CAP2: variants seen among roughly 807,000 people sequenced by gnomAD.
CAP2 encodes the protein cyclase associated actin cytoskeleton regulatory protein 2.
CAP2 carries 24 observed loss-of-function variants against 57.7 expected under a neutral mutation model. The observed-to-expected ratio is 0.42, with a 90% confidence interval of 0.30 to 0.58. The LOEUF is 0.58. CAP2 is among the 20% of genes least tolerant of loss of function. The pLI is 0.22. For synonymous variants in CAP2, 194 were observed against 207.2 expected, an observed-to-expected ratio of 0.94 and a Z score of 0.55; for missense variants, 501 against 590.3, an observed-to-expected ratio of 0.85 and a Z score of 1.57.
At chr6:17,397,164 A>T (rs1411411119) in intron 1 of CAP2, among the ~76,000 whole-genome samples, 1 of 152,048 alleles carries the variant, frequency 6.6e-6, no homozygotes, top group East Asian at 2.0e-4. Context: ...GGTTCAAGAG[A>T]TGCTCCCGCC....
At chr6:17,411,446 A>G (rs1250599195) in intron 1 of CAP2, among the ~76,000 whole-genome samples, 2 of 152,182 alleles carry the variant, frequency 1.3e-5, no homozygotes, top group Non-Finnish European at 2.9e-5. Flanking sequence ...TATTCTCACC[A>G]GCACTTTTTA....
At chr6:17,463,675 T>G (rs1347293339) in intron 4 of CAP2, among the ~76,000 whole-genome samples, 1 of 152,150 alleles carries the variant, frequency 6.6e-6, no homozygotes, top group Non-Finnish European at 1.5e-5. Flanking sequence ...TGTCCCAAGA[T>G]TCTGCTTTTT....
At chr6:17,480,179 A>G (rs1761253138) in intron 4 of CAP2, among the ~76,000 whole-genome samples, 1 of 152,142 alleles carries the variant, frequency 6.6e-6, no homozygotes. Flanking sequence ...TCAGTTCCAG[A>G]CTACAGAGGA....
intron 4 of CAP2, among the ~76,000 whole-genome samples, chr6:17,503,240 C>G (rs2113651702): frequency 6.6e-6 from 1 of 152,242 alleles, no homozygotes; most frequent in South Asian, 2.1e-4. Context: ...AGTCCAGGAT[C>G]AAGGTGACGG....
intron 3 of CAP2, among the ~76,000 whole-genome samples, chr6:17,452,794 A>C (rs1297697495): frequency 6.6e-6 from 1 of 152,118 alleles, no homozygotes; most frequent in East Asian, 1.9e-4. Context: ...TCCCCCAGAT[A>C]ACTGTCTCTG....
intron 11 of CAP2, among the ~76,000 whole-genome samples, chr6:17,549,139 G>T (rs1009579296): frequency 1.3e-5 from 2 of 152,180 alleles, no homozygotes; most frequent in African/African-American, 4.8e-5. Context: ...AAAAGGATTT[G>T]TATCTAGAAT....
chr6:17,530,513 TCTAA>T (rs1385683091), intron 7 of CAP2, among the ~76,000 whole-genome samples: 1 of 151,998 alleles, frequency 6.6e-6, no homozygotes, highest in African/African-American at 2.4e-5. Context: ...TTAAAGAGAA[TCTAA>T]CTGACAAACA....
intron 3 of CAP2, among the ~76,000 whole-genome samples, chr6:17,432,178 A>G (rs79192692): frequency 2.0e-5 from 3 of 152,194 alleles, no homozygotes; most frequent in Non-Finnish European, 4.4e-5. Context: ...GAATATCTGC[A>G]TGTTTATTTT....
intron 3 of CAP2, among the ~76,000 whole-genome samples, chr6:17,448,703 C>A (rs1400165256): frequency 6.6e-6 from 1 of 151,212 alleles, no homozygotes; most frequent in Non-Finnish European, 1.5e-5. Context: ...CTGTAACCTG[C>A]TTATTTAACT....
At chr6:17,430,479 A>G (rs1314332902) in intron 3 of CAP2, among the ~76,000 whole-genome samples, 1 of 152,104 alleles carries the variant, frequency 6.6e-6, no homozygotes, top group Non-Finnish European at 1.5e-5. Context: ...AACTGGGCCT[A>G]TATAATACCT....
chr6:17,531,065 A>G (rs1762626922), intron 7 of CAP2: 1 of 777,528 alleles, frequency 1.3e-6, no homozygotes, highest in South Asian at 1.3e-5. Context: ...TATAGATCTC[A>G]TGAATCAGAT....
chr6:17,408,660 C>CTTT lies in CAP2; in HGVS notation c.-1-12878_-1-12876dup, dbSNP rs35571407. 3.3e-3 allele frequency among the ~76,000 whole-genome samples: 401 copies of CTTT among 120,420 alleles called. 5 individuals are homozygous for CTTT. Among genetic ancestry groups the CTTT allele is most frequent in the Middle Eastern group, 4.6e-3 (1 of 218 alleles). The allele number at this position is 120,420 out of a possible 152,430, so 79.0% of individuals were successfully genotyped here. A position where few individuals can be genotyped will look rare whatever the true frequency, so the allele number is the denominator to read the frequency against. Reference sequence around the variant, plus strand: ...ACTGACTATATGAAATGATAGCCTCCTTTTTTTTTTTTTTTTTTTGAGACG... The same window carrying CTTT: ...ACTGACTATATGAAATGATAGCCTCCTTTTTTTTTTTTTTTTTTTTTTGAGACG... On this transcript the variant is annotated intron_variant, in intron 1 of 12. Transcript: ENST00000229922.
intron 3 of CAP2, among the ~76,000 whole-genome samples, chr6:17,436,107 TTCCTTCCTTCCTTCCC>T (rs1759880810): frequency 6.6e-6 from 1 of 150,900 alleles, no homozygotes; most frequent in Admixed American, 6.6e-5. Context: ...CCTTCCTTCC[TTCCTTCCTTCCTTCCC>T]TCCTTCCTTC....
chr6:17,469,900 T>G (rs1390188267), intron 4 of CAP2, among the ~76,000 whole-genome samples: 2 of 152,212 alleles, frequency 1.3e-5, no homozygotes, highest in African/African-American at 4.8e-5. Context: ...GTTAATAATT[T>G]GTTCACATTA....
chr6:17,504,148 G>A (rs571273411), intron 4 of CAP2, among the ~76,000 whole-genome samples: 2 of 152,196 alleles, frequency 1.3e-5, no homozygotes, highest in Admixed American at 6.5e-5. Flanking sequence ...CAGTGAACTC[G>A]GCCAATCAGA....
chr6:17,468,008 G>C (rs569324642), intron 4 of CAP2, among the ~76,000 whole-genome samples: 5 of 151,820 alleles, frequency 3.3e-5, no homozygotes, highest in Non-Finnish European at 7.4e-5. Flanking sequence ...TACTCTGTAT[G>C]TCAATGATTT....
Position 17,513,982 on chromosome 6 carries a change from G to T in CAP2, c.636+28G>T. ...GAGTACGAGGCCTTCCTCCACGTGT[G>T]TAAAAAAAGGCCATGACTATATATA... On this transcript the variant is annotated intron_variant, in intron 7 of 12. Coordinates refer to ENST00000229922, the MANE Select transcript of CAP2 (RefSeq NM_006366.3). The surrounding 1 kb of genome is among the most constrained non-coding windows in gnomAD (Gnocchi z 4.3). 7.4e-7 allele frequency: 1 copy of T among 1,354,868 alleles called. No homozygotes were observed. The highest frequency in any genetic ancestry group is 1.1e-6 in the Non-Finnish European group (1 of 944,376). 83.9% of individuals were successfully genotyped at this position (1,354,868 alleles called of 1,614,324 possible). A position where few individuals can be genotyped will look rare whatever the true frequency, so the allele number is the denominator to read the frequency against.
intron 4 of CAP2, among the ~76,000 whole-genome samples, chr6:17,506,964 C>T (rs1393994548): frequency 6.6e-6 from 1 of 152,154 alleles, no homozygotes; most frequent in African/African-American, 2.4e-5. Context: ...AAAATATCTG[C>T]AATTTTCATA....
intron 4 of CAP2, among the ~76,000 whole-genome samples, chr6:17,506,649 A>C (rs1187064334): frequency 7.2e-6 from 1 of 138,034 alleles, no homozygotes. Flanking sequence ...AAAAAAAAAA[A>C]GGGTTGCGGG....
Sources: gnomAD v4.1 joint callset for allele counts (sites outside exome capture counted in the v4.1 genomes callset) on GRCh38, gnomAD v4.1.1 for gene constraint, Gnocchi (gnomAD v3.1) non-coding constraint, MANE v1.5 for transcripts, NCBI Gene and HGNC (gene_info 2026-07-23, HGNC 2026-07-21) for gene names.